The following ADGRL2 variants were observed in gnomAD, a reference collection of about 807,000 sequenced individuals.
ADGRL2 encodes adhesion G protein-coupled receptor L2.
ADGRL2 carries 44 observed loss-of-function variants against 157.4 expected under a neutral mutation model. That is an observed-to-expected ratio of 0.28 (90% CI 0.22 to 0.36). ADGRL2 has a LOEUF of 0.36. ADGRL2 is among the 10% of genes least tolerant of loss of function. The pLI is 1.00. For missense variants in ADGRL2, 1,510 were observed against 1,768.9 expected (o/e 0.85, Z 2.63); for synonymous variants, 585 against 624.7 (o/e 0.94, Z 0.95).
intron 1 of ADGRL2, among the ~76,000 whole-genome samples, chr1:81,440,155 C>A (rs1320631632): frequency 1.3e-5 from 2 of 152,158 alleles, no homozygotes; most frequent in Admixed American, 6.5e-5. Flanking sequence ...GGGTGAGGAT[C>A]AATCAGAGGA....
At chr1:81,665,868 C>G (rs2082740591) in intron 3 of ADGRL2, among the ~76,000 whole-genome samples, 1 of 152,064 alleles carries the variant, frequency 6.6e-6, no homozygotes, top group Non-Finnish European at 1.5e-5. Context: ...CTGGGTGGTT[C>G]CATGTAATTC....
chr1:81,441,513 G>T (rs1386755461), intron 1 of ADGRL2, among the ~76,000 whole-genome samples: 1 of 152,070 alleles, frequency 6.6e-6, no homozygotes, highest in African/African-American at 2.4e-5. Context: ...TTGTTTGTTT[G>T]TTTGTTTTTG....
chr1:81,382,472 A>G (rs1410167547), intron 1 of ADGRL2, among the ~76,000 whole-genome samples: 1 of 152,330 alleles, frequency 6.6e-6, no homozygotes, highest in African/African-American at 2.4e-5. Flanking sequence ...TGACCCAGAC[A>G]TGCCAGAGAT....
intron 2 of ADGRL2, among the ~76,000 whole-genome samples, chr1:81,772,303 A>G (rs2086408045): frequency 6.6e-6 from 1 of 152,102 alleles, no homozygotes; most frequent in African/African-American, 2.4e-5. Flanking sequence ...TGTTAATAAC[A>G]TGTAAGCACT....
intron 2 of ADGRL2, among the ~76,000 whole-genome samples, chr1:81,785,876 G>A (rs1467223500): frequency 6.6e-6 from 1 of 152,044 alleles, no homozygotes; most frequent in Non-Finnish European, 1.5e-5. Flanking sequence ...GGAGGCCGAG[G>A]CAGGAGGATC....
At chr1:81,417,984 A>AACCTT (rs2077060852) in intron 1 of ADGRL2, among the ~76,000 whole-genome samples, 2 of 152,186 alleles carry the variant, frequency 1.3e-5, no homozygotes, top group Non-Finnish European at 2.9e-5. Context: ...TAAGGGGCTC[A>AACCTT]CTTGAAAATA....
intron 2 of ADGRL2, among the ~76,000 whole-genome samples, chr1:81,555,651 C>T (rs932769236): frequency 1.3e-5 from 2 of 152,036 alleles, no homozygotes; most frequent in African/African-American, 4.8e-5. Flanking sequence ...AAATATCCCC[C>T]AAAGGCAGAG....
upstream of ADGRL2, among the ~76,000 whole-genome samples, chr1:81,698,104 C>T (rs2083481470): frequency 6.6e-6 from 1 of 152,036 alleles, no homozygotes; most frequent in Non-Finnish European, 1.5e-5. Flanking sequence ...AAATGATAGC[C>T]ATTTTTCAAA....
At chr1:81,370,507 A>G (rs2076143686) in intron 1 of ADGRL2, among the ~76,000 whole-genome samples, 1 of 152,170 alleles carries the variant, frequency 6.6e-6, no homozygotes, top group Non-Finnish European at 1.5e-5. Flanking sequence ...AAACTGAAAT[A>G]AGTGCTATTG....
intron 3 of ADGRL2, among the ~76,000 whole-genome samples, chr1:81,593,257 T>G (rs2081168670): frequency 6.6e-6 from 1 of 152,166 alleles, no homozygotes; most frequent in South Asian, 2.1e-4. Context: ...CTCAAAGTTC[T>G]CCTATCACCT....
intron 2 of ADGRL2, among the ~76,000 whole-genome samples, chr1:81,866,541 T>C (rs1295205093): frequency 2.0e-5 from 3 of 152,156 alleles, no homozygotes; most frequent in Non-Finnish European, 4.4e-5. Context: ...TAGAGACAAG[T>C]ACTATTTCCT....
exon 1 of ADGRL2, chr1:81,699,799 A>C (rs2083520526): frequency 6.6e-6 from 1 of 152,202 alleles, no homozygotes; most frequent in Admixed American, 6.5e-5. Context: ...CCAGCATTAC[A>C]ACTGATAAGG....
At position 81,956,557 on chromosome 1, in the gene ADGRL2, G is replaced by A. The variant is rs141130655; in HGVS notation, c.2017+497G>A. ...ACATCTCCCACAATGCAGAACATCC[G>A]TGCTTCATAGATTGCAGAATAGCTA... On this transcript the variant is annotated intron_variant, in intron 11 of 23. Transcript: ENST00000686636. Among the ~76,000 whole-genome samples the A allele has an allele frequency of 2.9e-3, 449 of 152,224 alleles. 2 individuals carry two copies. The highest frequency in any genetic ancestry group is 0.01 in the African/African-American group (421 of 41,546).
intron 1 of ADGRL2, among the ~76,000 whole-genome samples, chr1:81,309,784 G>A (rs1659613344): frequency 6.6e-6 from 1 of 152,056 alleles, no homozygotes; most frequent in African/African-American, 2.4e-5. Flanking sequence ...AGCCTTTGAA[G>A]AGCCACCACT....
intron 3 of ADGRL2, among the ~76,000 whole-genome samples, chr1:81,671,946 C>A (rs2148919256): frequency 6.6e-6 from 1 of 152,320 alleles, no homozygotes; most frequent in South Asian, 2.1e-4. Flanking sequence ...CACACTGTTA[C>A]TTTGGAAAGG....
chr1:81,868,163 A>G (rs963043235), intron 2 of ADGRL2, among the ~76,000 whole-genome samples: 1 of 151,864 alleles, frequency 6.6e-6, no homozygotes, highest in African/African-American at 2.4e-5. Context: ...GCTATGTGCT[A>G]GGCATTGCAG....
chr1:81,590,396 G>A (rs898580491), intron 3 of ADGRL2, among the ~76,000 whole-genome samples: 2 of 151,784 alleles, frequency 1.3e-5, no homozygotes, highest in African/African-American at 2.4e-5. Context: ...CAGTTCCCAC[G>A]CCCACCCACA....
chr1:81,412,459 C>T (rs1267685931), intron 1 of ADGRL2, among the ~76,000 whole-genome samples: 1 of 152,146 alleles, frequency 6.6e-6, no homozygotes, highest in Non-Finnish European at 1.5e-5. Context: ...TGTTAGCTTC[C>T]CCAGATCCAC....
chr1:81,487,841 T>C (rs139907426), intron 2 of ADGRL2, among the ~76,000 whole-genome samples: 9 of 152,294 alleles, frequency 5.9e-5, no homozygotes, highest in African/African-American at 2.2e-4. Context: ...TATATACAAG[T>C]ATGTCAGTCT....
Sources: allele counts gnomAD v4.1 joint callset (sites outside exome capture counted in the v4.1 genomes callset), GRCh38; gene constraint gnomAD v4.1.1; transcripts MANE v1.5; gene names NCBI Gene and HGNC (gene_info 2026-07-23, HGNC 2026-07-21).